CMTM8: variants seen among roughly 807,000 people sequenced by gnomAD.
The protein encoded by CMTM8 is CKLF like MARVEL transmembrane domain containing 8.
Under a neutral mutation model 18.6 loss-of-function variants are expected in CMTM8, and 12 were observed. The ratio of observed to expected loss-of-function variants is 0.65; its 90% CI spans 0.41 to 1.05. The LOEUF (loss-of-function observed/expected upper bound fraction) is 1.05. Among genes scored for constraint, CMTM8 ranks in the 50% least tolerant of loss-of-function variants. The pLI is 0.00. For missense variants in CMTM8, 217 were observed against 227.2 expected, an observed-to-expected ratio of 0.95 and a Z score of 0.29; for synonymous variants, 87 against 90.6, an observed-to-expected ratio of 0.96 and a Z score of 0.23.
At chr3:32,309,707 A>G (rs1329610086) in intron 1 of CMTM8, among the ~76,000 whole-genome samples, 1 of 152,180 alleles carries the variant, frequency 6.6e-6, no homozygotes, top group Non-Finnish European at 1.5e-5. Flanking sequence ...AAAGTCGGTC[A>G]TGCTTTCAGT....
chr3:32,310,301 AT>A, intron 1 of CMTM8, among the ~76,000 whole-genome samples: 1 of 152,184 alleles, frequency 6.6e-6, no homozygotes, highest in Non-Finnish European at 1.5e-5. Flanking sequence ...GAGCAAAGGG[AT>A]TTTGCTGGCA....
chr3:32,329,649 C>T (rs1390454777), intron 1 of CMTM8, among the ~76,000 whole-genome samples: 1 of 152,066 alleles, frequency 6.6e-6, no homozygotes, highest in African/African-American at 2.4e-5. Context: ...TATGATAAGC[C>T]AACAGCTAAT....
At chr3:32,361,291 T>TTTTTTGTTTTTTTTTTTTTTG (rs1314833356) in intron 2 of CMTM8, among the ~76,000 whole-genome samples, 1 of 148,538 alleles carries the variant, frequency 6.7e-6, no homozygotes, top group African/African-American at 2.5e-5. Flanking sequence ...TAAGAGTTTT[T>TTTTTTGTTTTTTTTTTTTTTG]TTTTCTTTCA....
intron 1 of CMTM8, among the ~76,000 whole-genome samples, chr3:32,261,739 G>A (rs984455445): frequency 2.0e-5 from 3 of 152,144 alleles, no homozygotes; most frequent in African/African-American, 7.2e-5. Flanking sequence ...TGAGGAAACA[G>A]TTCTTAAATA....
At chr3:32,366,995 G>A (rs1050332278) in intron 2 of CMTM8, among the ~76,000 whole-genome samples, 8 of 152,132 alleles carry the variant, frequency 5.3e-5, no homozygotes, top group Admixed American at 4.6e-4. Flanking sequence ...ATTCTATGTA[G>A]CTTTTTTTTC....
rs567751049 is a variant in CMTM8 at position 32,249,840 on chromosome 3, A to G, written c.147+10721A>G. On this transcript the variant is annotated intron_variant, in intron 1 of 3. Transcript: ENST00000307526. ...CTCCCATTCTGTCTGTTATCTTTTC[A>G]CTTTTCTAGACTATGTCCTTAGAAG... Among the ~76,000 whole-genome samples the G allele has an allele frequency of 2.6e-5, 4 of 152,106 alleles. No homozygotes were observed. In the East Asian group the frequency reaches 7.7e-4, roughly 29 times the overall value.
chr3:32,342,117 A>T (rs1460014704), intron 1 of CMTM8, among the ~76,000 whole-genome samples: 1 of 151,870 alleles, frequency 6.6e-6, no homozygotes, highest in Non-Finnish European at 1.5e-5. Flanking sequence ...GCGTGGTGGC[A>T]TGCGCTTGTA....
At chr3:32,347,007 A>G (rs1696607873) in intron 1 of CMTM8, among the ~76,000 whole-genome samples, 1 of 151,476 alleles carries the variant, frequency 6.6e-6, no homozygotes, top group Non-Finnish European at 1.5e-5. Context: ...TTATTTACTT[A>G]ATGTAGAGAC....
chr3:32,352,879 T>G (rs1317004843), intron 1 of CMTM8, among the ~76,000 whole-genome samples: 5 of 145,270 alleles, frequency 3.4e-5, no homozygotes, highest in Non-Finnish European at 3.1e-5. Context: ...GGTTCTGTTT[T>G]TTTTTTTTTT....
intron 1 of CMTM8, among the ~76,000 whole-genome samples, chr3:32,255,337 G>A (rs1702163027): frequency 6.6e-6 from 1 of 152,090 alleles, no homozygotes; most frequent in South Asian, 2.1e-4. Flanking sequence ...ACTTTTTGAG[G>A]AACTGCCAGA....
chr3:32,289,488 A>C (rs181186406), intron 1 of CMTM8, among the ~76,000 whole-genome samples: 1 of 152,204 alleles, frequency 6.6e-6, no homozygotes, highest in Non-Finnish European at 1.5e-5. Context: ...GGAGCCTTGA[A>C]GGATGGATAG....
rs774592732 is a variant in CMTM8 at position 32,286,590 on chromosome 3, T to C, written c.147+47471T>C. ...AGCCTGCATTTTGCATGGGAGGCTT[T>C]GTAGGATTGGCACCATTTCCCATAG... On this transcript the variant is annotated intron_variant, in intron 1 of 3. Coordinates refer to ENST00000307526, the MANE Select transcript of CMTM8 (RefSeq NM_178868.5). Among the ~76,000 whole-genome samples, 72 of 152,324 alleles carry C rather than the reference T, an allele frequency of 4.7e-4. 3 individuals carry two copies. In the Middle Eastern group the frequency reaches 0.014, roughly 29 times the overall value.
At chr3:32,328,208 T>A (rs1406756003) in intron 1 of CMTM8, among the ~76,000 whole-genome samples, 1 of 150,914 alleles carries the variant, frequency 6.6e-6, no homozygotes, top group Non-Finnish European at 1.5e-5. Flanking sequence ...AAACCCCATC[T>A]CTACTAAAAA....
intron 1 of CMTM8, among the ~76,000 whole-genome samples, chr3:32,352,621 T>C (rs1696732682): frequency 1.3e-5 from 2 of 152,164 alleles, no homozygotes; most frequent in Admixed American, 1.3e-4. Flanking sequence ...ACAGGGTCCA[T>C]TTATATGAAG....
At chr3:32,257,700 C>T (rs936532906) in intron 1 of CMTM8, among the ~76,000 whole-genome samples, 3 of 151,650 alleles carry the variant, frequency 2.0e-5, no homozygotes, top group Non-Finnish European at 2.9e-5. Flanking sequence ...CTTTGTTTAC[C>T]GAGAGACCAC....
At chr3:32,284,459 G>T (rs890054728) in intron 1 of CMTM8, among the ~76,000 whole-genome samples, 2 of 152,154 alleles carry the variant, frequency 1.3e-5, no homozygotes, top group Admixed American at 6.5e-5. Context: ...GCCTCACCTT[G>T]TCCTCACCTT....
chr3:32,355,995 C>T (rs1031210748), intron 1 of CMTM8, among the ~76,000 whole-genome samples: 1 of 152,250 alleles, frequency 6.6e-6, no homozygotes, highest in East Asian at 1.9e-4. Flanking sequence ...TACCGTTTAC[C>T]TTCTTCATAA....
At chr3:32,247,116 A>G (rs1358030396) in intron 1 of CMTM8, among the ~76,000 whole-genome samples, 1 of 152,194 alleles carries the variant, frequency 6.6e-6, no homozygotes, top group Non-Finnish European at 1.5e-5. Flanking sequence ...ATAAAAATTA[A>G]AAAAAGATAA....
chr3:32,311,789 T>C (rs1695824908), intron 1 of CMTM8, among the ~76,000 whole-genome samples: 1 of 152,222 alleles, frequency 6.6e-6, no homozygotes, highest in Admixed American at 6.5e-5. Flanking sequence ...GGTTGAAGTC[T>C]CAGTCCCACC....
Sources: allele counts gnomAD v4.1 joint callset (sites outside exome capture counted in the v4.1 genomes callset), GRCh38; gene constraint gnomAD v4.1.1; transcripts MANE v1.5; gene names NCBI Gene and HGNC (gene_info 2026-07-23, HGNC 2026-07-21).